ZC3H4: variants seen among roughly 807,000 people sequenced by gnomAD.
ZC3H4 encodes the protein zinc finger CCCH-type containing 4.
ZC3H4 carries 13 observed loss-of-function variants against 108.3 expected under a neutral mutation model. That is an observed-to-expected ratio of 0.12 (90% CI 0.08 to 0.19). ZC3H4 has a LOEUF of 0.19. Ranked by LOEUF, ZC3H4 falls within the 10% of genes least tolerant of loss-of-function variation. The pLI, the probability that ZC3H4 is intolerant of heterozygous loss-of-function variation, is 1.00. For missense variants in ZC3H4, 1,734 were observed against 1,838.8 expected (o/e 0.94, Z 1.04); for synonymous variants, 917 against 749.6 (o/e 1.22, Z -3.65).
At chr19:47,089,705 T>TCC (rs11387978) in intron 5 of ZC3H4, among the ~76,000 whole-genome samples, 2 of 151,794 alleles carry the variant, frequency 1.3e-5, no homozygotes, top group Admixed American at 1.3e-4. Context: ...TGTTCCCTTC[T>TCC]CCCCCCACAG....
intron 2 of ZC3H4, among the ~76,000 whole-genome samples, chr19:47,110,057 G>GT (rs1188865734): frequency 2.0e-5 from 3 of 152,300 alleles, no homozygotes; most frequent in African/African-American, 7.2e-5. Flanking sequence ...CAAAGGAGCA[G>GT]TGGAGACAGG....
Position 47,085,305 on chromosome 19 carries a change from G to C in ZC3H4, c.967+13C>G, listed in dbSNP as rs374675325. 3 of 1,524,238 alleles carry C rather than the reference G, an allele frequency of 2.0e-6. No homozygotes were observed. The highest frequency in any genetic ancestry group is 2.6e-6 in the Non-Finnish European group (3 of 1,132,242). 94.4% of individuals were successfully genotyped at this position (1,524,238 alleles called of 1,614,324 possible). A position where few individuals can be genotyped will look rare whatever the true frequency, so the allele number is the denominator to read the frequency against. On this transcript the variant is annotated intron_variant, in intron 7 of 14. Transcript: ENST00000253048. The stretch of plus-strand genomic sequence containing the variant: ...TGCCCCACCCAGCGTGTCCTCTCCA[G>C]GCCCCTGCCCACCTCGGCCTCGGCT...
At chr19:47,113,545 G>A (rs1481881034) in intron 1 of ZC3H4, 175 bp downstream of exon 1, 2 of 152,382 alleles carry the variant, frequency 1.3e-5, no homozygotes, top group Admixed American at 6.5e-5. Flanking sequence ...TTAAGAGAAT[G>A]AGCTGAACGG....
Position 47,067,448 on chromosome 19 carries a change from G to A in ZC3H4, c.2820C>T (p.Pro940=). 1.3e-6 allele frequency: 2 copies of A among 1,596,994 alleles called. No individual in the cohort carries two copies. Among genetic ancestry groups the A allele is most frequent in the Non-Finnish European group, 1.7e-6 (2 of 1,170,860 alleles). ...GAGGGTGCCCGGGGAGTGGGTCCAG[G>A]GGAATGTTCACGGCCTTCTCCCGCA... is the stretch of plus-strand genomic sequence containing the variant. The part of the protein sequence containing the change: ...RALREKAVNI[P]LDPLPGHPLR... Residue 940 remains proline (P), a synonymous_variant, in exon 15 of 15, where the codon CCC becomes CCT. Coordinates refer to ENST00000253048, the MANE Select transcript of ZC3H4 (RefSeq NM_015168.2). The surrounding 1 kb of genome is among the most constrained non-coding windows in gnomAD (Gnocchi z 6.4).
In ZC3H4 at chr19:47,072,597, G is replaced by A. The variant is rs758315192; in HGVS notation, c.1557C>T (p.Thr519=). The A allele has an allele frequency of 1.2e-6, 2 of 1,604,124 alleles. No homozygotes were observed. Among genetic ancestry groups the A allele is most frequent in the African/African-American group, 1.3e-5 (1 of 74,788 alleles). Residue 519 remains threonine, a synonymous_variant, in exon 12 of 15, where the codon ACC becomes ACT. Coordinates refer to ENST00000253048, the MANE Select transcript of ZC3H4 (RefSeq NM_015168.2). The surrounding 1 kb of genome is among the most constrained non-coding windows in gnomAD (Gnocchi z 5.6). ...KPPPGVGLLP[T]PPRPPGPQAP... is the part of the protein sequence containing the mutation. ...CCTGCGGGCCAGGGGGCCGAGGAGG[G>A]GTGGGCAGGAGGCCCACACCAGGGG... is the stretch of plus-strand genomic sequence containing the variant.
intron 2 of ZC3H4, among the ~76,000 whole-genome samples, chr19:47,105,244 C>T (rs1232778844): frequency 1.3e-5 from 2 of 152,206 alleles, no homozygotes; most frequent in Admixed American, 6.5e-5. Flanking sequence ...CTCAACTCTG[C>T]TGCTGTAACG....
Position 47,067,274 on chromosome 19 carries a change from C to T in ZC3H4, c.2994G>A (p.Val998=), listed in dbSNP as rs763128799. ...TGGGCATGGATTGCAGGGCCGCGGG[C>T]ACGGGGGGCACTGCGTCCTGCTTGG... ...PIPKQDAVPP[V]PAALQSMPTL... Residue 998 remains valine, a synonymous_variant, in exon 15 of 15, where the codon GTG becomes GTA. Transcript: ENST00000253048. The surrounding 1 kb of genome is among the most constrained non-coding windows in gnomAD (Gnocchi z 6.4). The T allele has an allele frequency of 1.3e-6, 2 of 1,587,996 alleles. No individual in the cohort carries two copies. Among genetic ancestry groups the T allele is most frequent in the Non-Finnish European group, 1.7e-6 (2 of 1,166,826 alleles).
chr19:47,100,053 C>T (rs983443991), intron 2 of ZC3H4, among the ~76,000 whole-genome samples: 5 of 152,128 alleles, frequency 3.3e-5, no homozygotes, highest in Admixed American at 2.6e-4. Flanking sequence ...GAGGCGCCGC[C>T]TCTTCAAATA....
chr19:47,081,751 G>A (rs2057527311), intron 10 of ZC3H4, 129 bp from the exon 11 acceptor site: 1 of 807,808 alleles, frequency 1.2e-6, no homozygotes, highest in Non-Finnish European at 2.0e-6. Flanking sequence ...GTGAGGCGAT[G>A]TGCTAAGGGC....
At chr19:47,091,932 C>A (rs184998663) in intron 4 of ZC3H4, among the ~76,000 whole-genome samples, 1 of 151,750 alleles carries the variant, frequency 6.6e-6, no homozygotes, top group African/African-American at 2.4e-5. Flanking sequence ...AAGTCGGCTG[C>A]GCATGGTGGC....
chr19:47,069,600 A>T (rs576979868), intron 13 of ZC3H4, among the ~76,000 whole-genome samples: 178 of 152,334 alleles, frequency 1.2e-3, no homozygotes, highest in Non-Finnish European at 2.2e-3. Context: ...GGAACATTGG[A>T]TGTACGTTTG....
At chr19:47,104,903 T>C (rs1338799884) in intron 2 of ZC3H4, among the ~76,000 whole-genome samples, 1 of 151,966 alleles carries the variant, frequency 6.6e-6, no homozygotes, top group African/African-American at 2.4e-5. Flanking sequence ...GGTTAGGCCA[T>C]AGCAGGGATG....
intron 1 of ZC3H4, among the ~76,000 whole-genome samples, chr19:47,112,878 G>A (rs949561467): frequency 8.5e-5 from 13 of 152,134 alleles, no homozygotes; most frequent in African/African-American, 3.1e-4. Flanking sequence ...GGACACCCGG[G>A]AGACACGGAC....
intron 2 of ZC3H4, among the ~76,000 whole-genome samples, chr19:47,110,058 T>A (rs1421124124): frequency 3.3e-5 from 5 of 152,144 alleles, no homozygotes; most frequent in Non-Finnish European, 5.9e-5. Context: ...AAAGGAGCAG[T>A]GGAGACAGGC....
chr19:47,089,331 C>CT (rs1220239206), intron 5 of ZC3H4, among the ~76,000 whole-genome samples: 1 of 151,704 alleles, frequency 6.6e-6, no homozygotes, highest in African/African-American at 2.4e-5. Context: ...TCAGGCTGGG[C>CT]AGTCTTTCTG....
chr19:47,112,183 G>A lies in ZC3H4; in HGVS notation c.161+241C>T, dbSNP rs925114803. 82 of 1,192,492 alleles carry A rather than the reference G, an allele frequency of 6.9e-5. No individual in the cohort carries two copies. The South Asian group carries it at 1.2e-3, about 17-fold the overall frequency. The allele number at this position is 1,192,492 out of a possible 1,614,324, so 73.9% of individuals were successfully genotyped here. ...GCATGGCGCCCAAAAAAGACAGAGC[G>A]AGAGCGAGGGAGAGCGGGCGAGCGC... On this transcript the variant is annotated intron_variant, in intron 2 of 14. Transcript: ENST00000253048.
chr19:47,077,501 A>G (rs2057444580), intron 11 of ZC3H4, among the ~76,000 whole-genome samples: 1 of 151,864 alleles, frequency 6.6e-6, no homozygotes, highest in South Asian at 2.1e-4. Context: ...CAAAGAGGAC[A>G]CACAAAAACA....
chr19:47,084,524 A>C, intron 8 of ZC3H4, 69 bp from the exon 9 acceptor site: 1 of 1,487,160 alleles, frequency 6.7e-7, no homozygotes, highest in Non-Finnish European at 9.4e-7. Context: ...CGGGGTTAAT[A>C]AGAAGCACGG....
At chr19:47,093,835 G>T in intron 4 of ZC3H4, 135 bp downstream of exon 4, 3 of 638,658 alleles carry the variant, frequency 4.7e-6, no homozygotes, top group Admixed American at 2.9e-5. Flanking sequence ...CTCATAAAAT[G>T]GGGATTAAAT....
Sources: allele counts gnomAD v4.1 joint callset (sites outside exome capture counted in the v4.1 genomes callset), GRCh38; gene constraint gnomAD v4.1.1; non-coding constraint Gnocchi (gnomAD v3.1); transcripts MANE v1.5; gene names NCBI Gene and HGNC (gene_info 2026-07-23, HGNC 2026-07-21).